ARID1A: variants seen among roughly 807,000 people sequenced by gnomAD.
ARID1A encodes AT-rich interaction domain 1A, also known as AT-rich interactive domain-containing protein 1A.
ARID1A carries 20 observed loss-of-function variants against 212.6 expected under a neutral mutation model. The ratio of observed to expected loss-of-function variants is 0.09; its 90% CI spans 0.07 to 0.14. ARID1A has a LOEUF of 0.14. ARID1A is among the 10% of genes least tolerant of loss of function. ARID1A has a pLI of 1.00. For missense variants in ARID1A, 2,587 were observed against 3,059.0 expected, an observed-to-expected ratio of 0.85 and a Z score of 3.64; for synonymous variants, 1,376 against 1,222.1, an observed-to-expected ratio of 1.13 and a Z score of -2.63.
At position 26,732,694 on chromosome 1, in the gene ARID1A, T is replaced by G; in HGVS notation, c.1822T>G (p.Phe608Val). 1.2e-6 allele frequency: 2 copies of G among 1,613,582 alleles called. No individual in the cohort carries two copies. Among genetic ancestry groups the G allele is most frequent in the Non-Finnish European group, 1.7e-6 (2 of 1,179,644 alleles). Residue 608 changes from phenylalanine (F) to valine (V), a missense_variant, in exon 4 of 20, where the codon TTT becomes GTT. Around this residue, in one of 11 missense-constraint regions of ARID1A, gnomAD observed 674 missense variants for 813.4 expected, o/e 0.83. Transcript: ENST00000324856. Reference sequence around the variant, plus strand: ...GTTGTAGGAGCTATCTCAAGATTCATTTGGGTCTCAGGCATCCTCAGCCCC... The same window carrying G: ...GTTGTAGGAGCTATCTCAAGATTCAGTTGGGTCTCAGGCATCCTCAGCCCC... ...PPPQELSQDS[F>V]GSQASSAPSM... is the part of the protein sequence containing the mutation.
chr1:26,722,341 G>T (rs1036640513), intron 1 of ARID1A, among the ~76,000 whole-genome samples: 1 of 152,118 alleles, frequency 6.6e-6, no homozygotes, highest in African/African-American at 2.4e-5. Flanking sequence ...TGCCTCCCAG[G>T]TTCAAGCGAT....
At chr1:26,765,553 G>A (rs1407670741) in intron 8 of ARID1A, 1 of 151,574 alleles carries the variant, frequency 6.6e-6, no homozygotes, top group Non-Finnish European at 1.5e-5. Context: ...ATCTTTCGTG[G>A]GAGGTAGAAG....
intron 1 of ARID1A, among the ~76,000 whole-genome samples, chr1:26,697,845 CGGGGGTGA>C (rs545432719): frequency 0.04 from 198 of 4,988 alleles, no homozygotes; most frequent in African/African-American, 0.12. Context: ...AGGGCCTGGC[CGGGGGTGA>C]GGGGGTGAGG....
intron 4 of ARID1A, among the ~76,000 whole-genome samples, chr1:26,743,071 C>T (rs571213047): frequency 2.4e-4 from 36 of 152,170 alleles, no homozygotes; most frequent in Non-Finnish European, 4.4e-4. Flanking sequence ...TGGGAGACCA[C>T]CACCAGTTGT....
In ARID1A at chr1:26,734,723, A is replaced by G. The variant is rs2080712824; in HGVS notation, c.1920+1931A>G. On this transcript the variant is annotated intron_variant, in intron 4 of 19. Coordinates refer to ENST00000324856, the MANE Select transcript of ARID1A (RefSeq NM_006015.6). ...GATGCCAGATTTGCCTACGCAGGCT[A>G]GGAAGCAGCCCCATCTGAAGAAATG... Among the ~76,000 whole-genome samples the G allele has an allele frequency of 3.3e-5, 5 of 152,362 alleles. No individual in the cohort carries two copies. The South Asian group carries it at 8.3e-4, about 25-fold the overall frequency.
Position 26,696,836 on chromosome 1 carries a change from C to A in ARID1A, c.433C>A (p.Pro145Thr). 7.5e-7 allele frequency: 1 copy of A among 1,340,374 alleles called. No individual in the cohort carries two copies. The highest frequency in any genetic ancestry group is 3.1e-5 in the East Asian group (1 of 32,188). The allele number at this position is 1,340,374 out of a possible 1,614,324, so 83.0% of individuals were successfully genotyped here. ...TCACTCAGCCGCGGCCGCCTTGCCG[C>A]CCCCAGCCTACGGCTTCGGGCAACC... is the stretch of plus-strand genomic sequence containing the variant. ...PPHSAAAALP[P>T]PAYGFGQPYG... The change falls in exon 1 of 20, where the codon CCC becomes ACC. Residue 145 changes from proline to threonine, a missense_variant. Pro to Thr is a conservative substitution (Grantham distance 38, BLOSUM62 -1). Coordinates refer to ENST00000324856, the MANE Select transcript of ARID1A (RefSeq NM_006015.6).
chr1:26,710,457 CAG>C (rs2080440513), intron 1 of ARID1A, among the ~76,000 whole-genome samples: 1 of 142,796 alleles, frequency 7.0e-6, no homozygotes, highest in African/African-American at 2.8e-5. Flanking sequence ...GCCTGGGCGA[CAG>C]AGCGAGATGC....
Position 26,779,869 on chromosome 1 carries a change from C to T in ARID1A, c.5971C>T (p.Leu1991=), listed in dbSNP as rs2124144602. The T allele has an allele frequency of 6.2e-7, 1 of 1,614,182 alleles. No homozygotes were observed. ...CTGTGTGTCCAATACCATTCGAAGC[C>T]TGTCATTTGTGCCAGGCAATGACTT... ...CVCVSNTIRS[L]SFVPGNDFEM... Residue 1991 remains leucine, a synonymous_variant, in exon 20 of 20, where the codon CTG becomes TTG. Coordinates refer to ENST00000324856, the MANE Select transcript of ARID1A (RefSeq NM_006015.6).
chr1:26,711,110 TGC>T (rs2080449413), intron 1 of ARID1A, among the ~76,000 whole-genome samples: 2 of 151,342 alleles, frequency 1.3e-5, no homozygotes, highest in Admixed American at 1.3e-4. Flanking sequence ...TTATGTCTCT[TGC>T]TCTTTTTTTT....
intron 1 of ARID1A, among the ~76,000 whole-genome samples, chr1:26,714,908 C>G (rs779299728): frequency 1.3e-5 from 2 of 152,114 alleles, no homozygotes; most frequent in Non-Finnish European, 2.9e-5. Context: ...TATCAACATA[C>G]AGTACTTGAT....
intron 1 of ARID1A, among the ~76,000 whole-genome samples, chr1:26,712,741 C>T (rs1290258161): frequency 6.6e-6 from 1 of 152,188 alleles, no homozygotes; most frequent in African/African-American, 2.4e-5. Context: ...AACAAGCCAC[C>T]TCATCTCTGC....
rs138418893 is a variant in ARID1A, at chr1:26,763,251, G to A, written c.2698G>A (p.Ala900Thr). 256 of 1,611,124 alleles carry A rather than the reference G, an allele frequency of 1.6e-4. No homozygotes were observed. Among genetic ancestry groups the A allele is most frequent in the South Asian group, 2.2e-4 (20 of 90,896 alleles). Residue 900 changes from alanine to threonine, a missense_variant, in exon 8 of 20, where the codon GCC (alanine) becomes ACC (threonine). By Grantham distance (58) the Ala-to-Thr change is moderately conservative (BLOSUM62 0). Coordinates refer to ENST00000324856, the MANE Select transcript of ARID1A (RefSeq NM_006015.6). ...CCGGAAAACCCAAGAAACTGCTGTC[G>A]CCATGCATGTTGCTGCCAACTCTAT... Reference protein sequence around the residue: ...MNRKTQETAVAMHVAANSIQN... With the variant: ...MNRKTQETAVTMHVAANSIQN...
At chr1:26,759,379 G>A (rs541349481) in intron 4 of ARID1A, among the ~76,000 whole-genome samples, 2 of 151,898 alleles carry the variant, frequency 1.3e-5, no homozygotes, top group East Asian at 1.9e-4. Context: ...ATTTTTGGGG[G>A]TATTTTTAGT....
intron 1 of ARID1A, among the ~76,000 whole-genome samples, chr1:26,699,818 T>C (rs1257424227): frequency 6.6e-6 from 1 of 152,094 alleles, no homozygotes; most frequent in Non-Finnish European, 1.5e-5. Context: ...ATTGGAATTC[T>C]GCTGGTTTGG....
intron 4 of ARID1A, among the ~76,000 whole-genome samples, chr1:26,756,970 G>A (rs1040212563): frequency 1.3e-5 from 2 of 152,136 alleles, no homozygotes; most frequent in Admixed American, 6.5e-5. Context: ...CCAAAGTGCT[G>A]GGATTACAGG....
At chr1:26,732,566 G>C (rs1365910299) in intron 3 of ARID1A, 110 bp from the exon 4 acceptor site, 6 of 840,932 alleles carry the variant, frequency 7.1e-6, no homozygotes, top group Middle Eastern at 3.7e-4. Context: ...TTCGCAACTG[G>C]ACTTTCTCTC....
chr1:26,776,665 T>G (rs1055684945), intron 19 of ARID1A, among the ~76,000 whole-genome samples: 36 of 152,206 alleles, frequency 2.4e-4, no homozygotes, highest in Non-Finnish European at 5.1e-4. Flanking sequence ...TGCTGCATCA[T>G]CCTACTCTTT....
intron 19 of ARID1A, chr1:26,778,742 AGGCTAAGAGATGATT>A: frequency 3.3e-6 from 1 of 306,922 alleles, no homozygotes; most frequent in Non-Finnish European, 6.0e-6. Flanking sequence ...GGAAAAGAGA[AGGCTAAGAGATGATT>A]GGCCCTGGTG....
chr1:26,732,732 C>T lies in ARID1A; in HGVS notation c.1860C>T (p.Ser620=), dbSNP rs1316408011. 1 of 1,613,942 alleles carries T rather than the reference C, an allele frequency of 6.2e-7. No individual in the cohort carries two copies. The highest frequency in any genetic ancestry group is 8.5e-7 in the Non-Finnish European group (1 of 1,179,988). ...SQASSAPSMT[S]SKGGQEDMNL... ...CATCCTCAGCCCCCTCAATGACCTC[C>T]AGTAAGGGAGGGCAAGAAGATATGA... The change falls in exon 4 of 20, where the codon TCC becomes TCT. Residue 620 remains serine (S), a synonymous_variant. Transcript: ENST00000324856.
Sources: allele counts gnomAD v4.1 joint callset (sites outside exome capture counted in the v4.1 genomes callset), GRCh38; gene constraint gnomAD v4.1.1; regional missense constraint gnomAD v4.1.1; transcripts MANE v1.5; gene names NCBI Gene and HGNC (gene_info 2026-07-23, HGNC 2026-07-21).